Variants in PACSIN2 observed in about 807,000 individuals in gnomAD.
PACSIN2 encodes protein kinase C and casein kinase substrate in neurons protein 2.
PACSIN2 carries 25 observed loss-of-function variants against 63.8 expected under a neutral mutation model. The ratio of observed to expected loss-of-function variants is 0.39; its 90% CI spans 0.29 to 0.55. The LOEUF is 0.55. Among genes scored for constraint, PACSIN2 ranks in the 20% least tolerant of loss-of-function variants. The pLI is 0.62. For missense variants in PACSIN2, 518 were observed against 646.9 expected, an observed-to-expected ratio of 0.80 and a Z score of 2.16; for synonymous variants, 255 against 256.2, an observed-to-expected ratio of 1.00 and a Z score of 0.05.
chr22:42,948,830 C>T (rs1289632995), intron 1 of PACSIN2, among the ~76,000 whole-genome samples: 1 of 152,150 alleles, frequency 6.6e-6, no homozygotes, highest in Non-Finnish European at 1.5e-5. Context: ...GTGTGACAAA[C>T]TGATAAATGA....
At chr22:42,911,070 AATT>A (rs1931421884) in intron 2 of PACSIN2, among the ~76,000 whole-genome samples, 1 of 151,876 alleles carries the variant, frequency 6.6e-6, no homozygotes, top group Non-Finnish European at 1.5e-5. Context: ...ACGCCCAGCT[AATT>A]TTTTGTATTT....
chr22:43,005,803 C>T (rs1041515914), intron 1 of PACSIN2, among the ~76,000 whole-genome samples: 6 of 152,120 alleles, frequency 3.9e-5, no homozygotes, highest in Admixed American at 1.3e-4. Flanking sequence ...TGAGGAAGGG[C>T]TCTCAGTATC....
chr22:42,958,922 G>A (rs901479477), intron 1 of PACSIN2, among the ~76,000 whole-genome samples: 1 of 152,112 alleles, frequency 6.6e-6, no homozygotes, highest in Non-Finnish European at 1.5e-5. Context: ...AGCAATAAAG[G>A]GGAGCCACTG....
intron 1 of PACSIN2, among the ~76,000 whole-genome samples, chr22:42,915,307 G>A (rs74335167): frequency 0.011 from 1,608 of 152,328 alleles, 29 homozygotes; most frequent in African/African-American, 0.036. Context: ...CATCAGACAG[G>A]ACATATGCTC....
intron 1 of PACSIN2, among the ~76,000 whole-genome samples, chr22:43,012,159 ATACATACATACATAC>A (rs1569380083): frequency 3.8e-5 from 3 of 78,726 alleles, no homozygotes; most frequent in Admixed American, 1.7e-4. Flanking sequence ...AAATAAATAC[ATACATACATACATAC>A]ATACATACAT....
intron 1 of PACSIN2, among the ~76,000 whole-genome samples, chr22:42,988,886 A>ATTTTTT (rs58156104): frequency 6.6e-6 from 1 of 150,884 alleles, no homozygotes; most frequent in Non-Finnish European, 1.5e-5. Context: ...GGTCAAAGAA[A>ATTTTTT]TTTTTTTTTT....
At position 42,871,313 on chromosome 22, in the gene PACSIN2, TG is replaced by T; in HGVS notation, c.*43del. The stretch of plus-strand genomic sequence containing the variant: ...TGCCCACGTGGCTGGCTGAGGCTCC[TG>T]GGCCCGCCGCCTCCGTCCCCCCGCT... On this transcript the variant is annotated 3_prime_UTR_variant, in exon 11 of 11. Coordinates refer to ENST00000263246, the MANE Select transcript of PACSIN2 (RefSeq NM_001184970.3). The surrounding 1 kb of genome is among the most constrained non-coding windows in gnomAD (Gnocchi z 5.4). 1 of 1,286,954 alleles carries T rather than the reference TG, an allele frequency of 7.8e-7. No homozygotes were observed. The highest frequency in any genetic ancestry group is 1.1e-6 in the Non-Finnish European group (1 of 888,696). The allele number at this position is 1,286,954 out of a possible 1,614,324, so 79.7% of individuals were successfully genotyped here.
intron 1 of PACSIN2, among the ~76,000 whole-genome samples, chr22:42,925,472 T>G (rs1932479480): frequency 6.8e-6 from 1 of 146,376 alleles, no homozygotes; most frequent in African/African-American, 2.6e-5. Flanking sequence ...AGAGCAAGAC[T>G]CCGTCTTTAA....
chr22:42,885,615 C>A (rs1205284558), intron 5 of PACSIN2, among the ~76,000 whole-genome samples: 2 of 152,102 alleles, frequency 1.3e-5, no homozygotes, highest in African/African-American at 4.8e-5. Flanking sequence ...CTCCCAGATG[C>A]TCTCCTCTGA....
chr22:42,914,655 T>C (rs1011152940), intron 1 of PACSIN2, among the ~76,000 whole-genome samples: 1 of 152,204 alleles, frequency 6.6e-6, no homozygotes, highest in Non-Finnish European at 1.5e-5. Flanking sequence ...AGCAGGGCTT[T>C]GGGCTCAGGT....
At position 42,879,086 on chromosome 22, in the gene PACSIN2, G is replaced by T; in HGVS notation, c.990C>A (p.Asn330Lys). 6.2e-7 allele frequency: 1 copy of T among 1,614,134 alleles called. No individual in the cohort carries two copies. The highest frequency in any genetic ancestry group is 8.5e-7 in the Non-Finnish European group (1 of 1,179,998). ...TCGGCAGAGACTGGTCGCCTGTCTG[G>T]TTGATGCCCGTCAGGGTGACGCCGT... ...ATDGVTLTGI[N>K]QTGDQSLPSK... Residue 330 changes from asparagine (N) to lysine (K), a missense_variant, in exon 8 of 11, where the codon AAC (asparagine) becomes AAA (lysine). This residue lies in a region of PACSIN2 where 507 missense variants were observed against 612.3 expected (regional missense o/e 0.83). Transcript: ENST00000263246.
At chr22:42,950,191 C>T (rs74562516) in intron 1 of PACSIN2, among the ~76,000 whole-genome samples, 3,894 of 151,906 alleles carry the variant, frequency 0.026, 166 homozygotes, top group African/African-American at 0.09. Context: ...TATTTATATT[C>T]TATTAGGTAT....
intron 1 of PACSIN2, among the ~76,000 whole-genome samples, chr22:42,994,244 G>A (rs1033766582): frequency 3.3e-5 from 5 of 152,236 alleles, no homozygotes; most frequent in African/African-American, 1.2e-4. Flanking sequence ...GGCTGAGCAG[G>A]GGGACAGGCC....
rs200886149 is a variant in PACSIN2 at position 42,955,275 on chromosome 22, C to CTGAATGAA, written c.-77-43126_-77-43119dup. On this transcript the variant is annotated intron_variant, in intron 1 of 10. Transcript: ENST00000263246. ...GTGGACAAGAGACCAAGAAGGTAAA[C>CTGAATGAA]TGAATGAATGAATGAATGAATGAAC... Among the ~76,000 whole-genome samples, 9 of 152,166 alleles carry CTGAATGAA rather than the reference C, an allele frequency of 5.9e-5. No individual in the cohort carries two copies. The East Asian group carries it at 1.2e-3, about 20-fold the overall frequency.
At chr22:42,953,661 T>C (rs185314898) in intron 1 of PACSIN2, among the ~76,000 whole-genome samples, 110 of 152,318 alleles carry the variant, frequency 7.2e-4, no homozygotes, top group African/African-American at 2.5e-3. Flanking sequence ...AAAACCATTG[T>C]CTTCATTTTA....
chr22:42,890,940 G>A lies in PACSIN2; in HGVS notation c.453+7C>T. The stretch of plus-strand genomic sequence containing the variant: ...GCCGGGCAGGGAAGCCTGCAGGACA[G>A]ATGTACCTCTTTCAGCTTCTTGGCC... On this transcript the variant is annotated splice_region_variant and intron_variant, in intron 4 of 10. Coordinates refer to ENST00000263246, the MANE Select transcript of PACSIN2 (RefSeq NM_001184970.3). 1 of 1,611,558 alleles carries A rather than the reference G, an allele frequency of 6.2e-7. No homozygotes were observed. The highest frequency in any genetic ancestry group is 8.5e-7 in the Non-Finnish European group (1 of 1,177,816).
intron 1 of PACSIN2, among the ~76,000 whole-genome samples, chr22:42,996,494 T>A (rs1923409773): frequency 7.0e-6 from 1 of 143,698 alleles, no homozygotes; most frequent in East Asian, 2.0e-4. Flanking sequence ...ATCGAGCCAC[T>A]GCACTCCAGC....
At chr22:43,012,669 G>A (rs1284768119) in intron 1 of PACSIN2, among the ~76,000 whole-genome samples, 1 of 140,558 alleles carries the variant, frequency 7.1e-6, no homozygotes, top group East Asian at 2.1e-4. Flanking sequence ...TTTTTTTTTT[G>A]AAACAGGAGT....
chr22:42,888,068 T>TAA (rs1312513019), intron 5 of PACSIN2, among the ~76,000 whole-genome samples: 3 of 113,468 alleles, frequency 2.6e-5, no homozygotes, highest in African/African-American at 1.0e-4. Flanking sequence ...CCAGCCCCTC[T>TAA]CCCTACACAA....
Sources: gnomAD v4.1 joint callset for allele counts (sites outside exome capture counted in the v4.1 genomes callset) on GRCh38, gnomAD v4.1.1 for gene constraint, gnomAD v4.1.1 regional missense constraint, Gnocchi (gnomAD v3.1) non-coding constraint, MANE v1.5 for transcripts, NCBI Gene and HGNC (gene_info 2026-07-23, HGNC 2026-07-21) for gene names.